The following TCF3 variants were observed in gnomAD, a reference collection of about 807,000 sequenced individuals.
TCF3 encodes the protein transcription factor E2-alpha.
In TCF3, 54 loss-of-function variants were observed where a neutral mutation model predicts 72.3. That is an observed-to-expected ratio of 0.75 (90% CI 0.60 to 0.94). The LOEUF (loss-of-function observed/expected upper bound fraction) is 0.94, where lower values mean the gene tolerates loss of function less well. TCF3 is among the 40% of genes least tolerant of loss of function. TCF3 has a pLI of 0.00. For missense variants in TCF3, 1,078 were observed against 934.4 expected (o/e 1.15, Z -2.00); for synonymous variants, 525 against 412.6 (o/e 1.27, Z -3.30).
intron 3 of TCF3, among the ~76,000 whole-genome samples, chr19:1,638,449 A>AT (rs1465744712): frequency 6.6e-6 from 1 of 152,100 alleles, no homozygotes; most frequent in Non-Finnish European, 1.5e-5. Flanking sequence ...CGCCCGGCTA[A>AT]TTTTTTTGTA....
chr19:1,611,423 T>C lies in TCF3; in HGVS notation c.*284A>G. 2.5e-6 allele frequency: 1 copy of C among 407,582 alleles called. No homozygotes were observed. Among genetic ancestry groups the C allele is most frequent in the Non-Finnish European group, 4.3e-6 (1 of 232,438 alleles). 25.2% of individuals were successfully genotyped at this position (407,582 alleles called of 1,614,324 possible). ...CCCAGGCAACAGGGCCAAGATGCAG[T>C]TTCAGGATCCATGGGACAGGTCACA... On this transcript the variant is annotated 3_prime_UTR_variant, in exon 19 of 19. Transcript: ENST00000262965.
At chr19:1,622,602 G>GTC (rs753439055) in intron 8 of TCF3, among the ~76,000 whole-genome samples, 187 bp from the exon 9 acceptor site, 23 of 151,890 alleles carry the variant, frequency 1.5e-4, no homozygotes, top group Non-Finnish European at 1.0e-4. Flanking sequence ...TGATGTCCTG[G>GTC]TCTCTCTCTC....
intron 3 of TCF3, among the ~76,000 whole-genome samples, chr19:1,633,049 G>A (rs930640383): frequency 1.3e-5 from 2 of 149,804 alleles, no homozygotes; most frequent in Non-Finnish European, 3.0e-5. Context: ...TGGGGCAGGA[G>A]TTCCCGGCGC....
intron 5 of TCF3, among the ~76,000 whole-genome samples, chr19:1,629,381 G>C (rs894621522): frequency 6.6e-6 from 1 of 152,168 alleles, no homozygotes; most frequent in East Asian, 1.9e-4. Context: ...ATTCGCGAAT[G>C]AGCACGTGAC....
chr19:1,643,973 G>A (rs1221042374), intron 3 of TCF3, among the ~76,000 whole-genome samples: 5 of 152,196 alleles, frequency 3.3e-5, no homozygotes, highest in South Asian at 2.1e-4. Flanking sequence ...TGGCGTCCCC[G>A]AAGCCAACTA....
chr19:1,642,164 ACG>A (rs1311162030), intron 3 of TCF3, among the ~76,000 whole-genome samples: 8 of 143,456 alleles, frequency 5.6e-5, no homozygotes, highest in African/African-American at 7.6e-5. Flanking sequence ...ACACACACAC[ACG>A]CACGCGTACA....
intron 16 of TCF3, among the ~76,000 whole-genome samples, chr19:1,617,801 G>A (rs1426879202): frequency 4.6e-5 from 7 of 152,176 alleles, no homozygotes; most frequent in Admixed American, 2.6e-4. Flanking sequence ...GGGTGGGGCC[G>A]TCCTGGGCAC....
Position 1,611,703 on chromosome 19 carries a change from C to T in TCF3, c.*4G>A. On this transcript the variant is annotated 3_prime_UTR_variant, in exon 19 of 19. Transcript: ENST00000262965. ...GGGTGGCTCGTCCCACGGAGGCATA[C>T]CTTTCACATGTGCCCGGCGGGGTTG... The T allele has an allele frequency of 6.2e-7, 1 of 1,612,016 alleles. No homozygotes were observed. The highest frequency in any genetic ancestry group is 8.5e-7 in the Non-Finnish European group (1 of 1,178,940).
At chr19:1,613,155 ATGTG>A (rs1469280781) in intron 18 of TCF3, among the ~76,000 whole-genome samples, 3 of 142,550 alleles carry the variant, frequency 2.1e-5, no homozygotes, top group Non-Finnish European at 3.0e-5. Context: ...CCACATGCTG[ATGTG>A]TGTGTTGTCA....
At position 1,636,149 on chromosome 19, in the gene TCF3, A is replaced by T. The variant is rs556271851; in HGVS notation, c.146-3744T>A. Among the ~76,000 whole-genome samples the T allele has an allele frequency of 5.9e-5, 9 of 152,192 alleles. No individual in the cohort carries two copies. In the South Asian group the frequency reaches 1.9e-3, roughly 32 times the overall value. ...GGGGTGGCCTTTCCTTGGGTGGAGC[A>T]GTATTTTAAAAAATTTTTTTTTTCT... On this transcript the variant is annotated intron_variant, in intron 3 of 18. Coordinates refer to ENST00000262965, the MANE Select transcript of TCF3 (RefSeq NM_003200.5).
intron 3 of TCF3, among the ~76,000 whole-genome samples, chr19:1,638,941 T>C (rs1248384278): frequency 2.0e-5 from 3 of 152,230 alleles, no homozygotes; most frequent in Non-Finnish European, 4.4e-5. Flanking sequence ...AAAGACAGTT[T>C]TGAAACAAGC....
Position 1,632,125 on chromosome 19 carries a change from G to C in TCF3, c.220-9C>G. On this transcript the variant is annotated splice_polypyrimidine_tract_variant and intron_variant, in intron 4 of 18. Transcript: ENST00000262965. ...GTGCCCTCGCTGAAGGTCTAGGGGA[G>C]ATGGGGTGGGGATGAGAGGTGCTGG... is the stretch of plus-strand genomic sequence containing the variant. 6.2e-7 allele frequency: 1 copy of C among 1,611,992 alleles called. No individual in the cohort carries two copies. The highest frequency in any genetic ancestry group is 8.5e-7 in the Non-Finnish European group (1 of 1,179,136).
At chr19:1,639,104 C>A (rs955851618) in intron 3 of TCF3, among the ~76,000 whole-genome samples, 4 of 152,176 alleles carry the variant, frequency 2.6e-5, no homozygotes, top group Non-Finnish European at 5.9e-5. Context: ...AGTGCGGTGG[C>A]GCGATCTCAG....
At chr19:1,633,640 A>G (rs2064008757) in intron 3 of TCF3, among the ~76,000 whole-genome samples, 1 of 152,080 alleles carries the variant, frequency 6.6e-6, no homozygotes, top group African/African-American at 2.4e-5. Flanking sequence ...CCTCATTTAG[A>G]TTTTGTTTTC....
intron 11 of TCF3, among the ~76,000 whole-genome samples, chr19:1,621,521 G>C (rs1054197649): frequency 2.7e-5 from 4 of 146,800 alleles, no homozygotes; most frequent in East Asian, 2.1e-4. Flanking sequence ...CCCTCTCTGG[G>C]CCTGGGTGGG....
chr19:1,631,900 G>T (rs767496690), intron 5 of TCF3, 138 bp downstream of exon 5: 2 of 1,530,490 alleles, frequency 1.3e-6, no homozygotes, highest in Non-Finnish European at 8.8e-7. Context: ...CTCCCAGGAC[G>T]GGCAGAGGCT....
At chr19:1,637,732 A>C (rs1484038880) in intron 3 of TCF3, among the ~76,000 whole-genome samples, 1 of 151,840 alleles carries the variant, frequency 6.6e-6, no homozygotes, top group Non-Finnish European at 1.5e-5. Flanking sequence ...ACAGGGTGAA[A>C]CCCCCGTCTC....
At chr19:1,645,461 G>A (rs1013315630) in intron 3 of TCF3, among the ~76,000 whole-genome samples, 5 of 152,024 alleles carry the variant, frequency 3.3e-5, no homozygotes, top group Admixed American at 6.5e-5. Flanking sequence ...CCCCTGCAAC[G>A]AACACAGCGC....
chr19:1,644,058 G>A (rs1015095943), intron 3 of TCF3, among the ~76,000 whole-genome samples: 6 of 152,130 alleles, frequency 3.9e-5, no homozygotes, highest in Non-Finnish European at 5.9e-5. Flanking sequence ...CCACAGCTCC[G>A]GGGCTCCATC....
Sources: gnomAD v4.1 joint callset for allele counts (sites outside exome capture counted in the v4.1 genomes callset) on GRCh38, gnomAD v4.1.1 for gene constraint, MANE v1.5 for transcripts, NCBI Gene and HGNC (gene_info 2026-07-23, HGNC 2026-07-21) for gene names.